RTN4: variants seen among roughly 807,000 people sequenced by gnomAD.
RTN4 encodes reticulon 4, also known as reticulon-4.
A neutral mutation model predicts 90.4 loss-of-function variants in RTN4; 32 were observed. That is an observed-to-expected ratio of 0.35 (90% CI 0.27 to 0.48). RTN4 has a LOEUF of 0.48. Among genes scored for constraint, RTN4 ranks in the 20% least tolerant of loss-of-function variants. RTN4 has a pLI of 0.99. For missense variants in RTN4, 1,706 were observed against 1,430.2 expected (o/e 1.19, Z -3.11); for synonymous variants, 629 against 552.5 (o/e 1.14, Z -1.94).
At chr2:55,089,983 C>G (rs532381326) in intron 1 of RTN4, among the ~76,000 whole-genome samples, 1 of 152,252 alleles carries the variant, frequency 6.6e-6, no homozygotes, top group South Asian at 2.1e-4. Context: ...AGAATAGGCA[C>G]GAGGAATTGT....
At chr2:55,096,882 G>C (rs985028687) in intron 1 of RTN4, among the ~76,000 whole-genome samples, 1 of 151,884 alleles carries the variant, frequency 6.6e-6, no homozygotes, top group Middle Eastern at 3.2e-3. Flanking sequence ...CTACACTCAA[G>C]GAATGAGGTG....
chr2:55,097,297 G>A (rs1667759673), intron 1 of RTN4, among the ~76,000 whole-genome samples: 2 of 104,736 alleles, frequency 1.9e-5, no homozygotes, highest in South Asian at 7.4e-4. Context: ...GTGAAATTCT[G>A]TCTCAAAAAA....
At chr2:55,098,316 C>A (rs923383415) in intron 1 of RTN4, among the ~76,000 whole-genome samples, 2 of 152,024 alleles carry the variant, frequency 1.3e-5, no homozygotes, top group Admixed American at 6.6e-5. Flanking sequence ...TTTCTTTGAT[C>A]AGAAAGAGTG....
intron 1 of RTN4, among the ~76,000 whole-genome samples, chr2:55,101,359 T>A (rs1394052079): frequency 6.6e-6 from 1 of 152,112 alleles, no homozygotes; most frequent in African/African-American, 2.4e-5. Flanking sequence ...AAATAATACA[T>A]TATCCATTGT....
At chr2:54,979,348 G>A (rs982588216) in intron 5 of RTN4, among the ~76,000 whole-genome samples, 1 of 152,098 alleles carries the variant, frequency 6.6e-6, no homozygotes, top group African/African-American at 2.4e-5. Flanking sequence ...GTGAGCTACT[G>A]TGCATGGCCA....
Position 55,092,599 on chromosome 2 carries a change from A to C in RTN4, c.-213-11960T>G, listed in dbSNP as rs549640070. Among the ~76,000 whole-genome samples, 77 of 152,298 alleles carry C rather than the reference A, an allele frequency of 5.1e-4. 1 individual carries two copies. The highest frequency in any genetic ancestry group is 1.8e-3 in the African/African-American group (73 of 41,568). The stretch of plus-strand genomic sequence containing the variant: ...CCTGGCAGAAAAAAGTGCTCAACAC[A>C]AACTTGTGGAATGAGTATACCTGAG... On this transcript the variant is annotated intron_variant, in intron 1 of 3. Transcript: ENST00000427710.
At chr2:55,040,937 C>G (rs1000123847) in intron 1 of RTN4, among the ~76,000 whole-genome samples, 3 of 151,192 alleles carry the variant, frequency 2.0e-5, no homozygotes, top group Non-Finnish European at 4.4e-5. Context: ...ATGAGAAAAA[C>G]AAGCTATTAA....
intron 1 of RTN4, among the ~76,000 whole-genome samples, chr2:55,048,244 C>T (rs1667880118): frequency 1.3e-5 from 2 of 152,184 alleles, no homozygotes; most frequent in African/African-American, 4.8e-5. Flanking sequence ...CTGCTGTGGA[C>T]GTGAGTAGTG....
intron 1 of RTN4, among the ~76,000 whole-genome samples, chr2:55,040,484 T>C (rs544191638): frequency 1.2e-4 from 19 of 152,252 alleles, no homozygotes; most frequent in African/African-American, 3.8e-4. Context: ...GTCAGGGCAC[T>C]GAGATAAATG....
chr2:55,069,905 A>T (rs143315639), intron 2 of RTN4, among the ~76,000 whole-genome samples: 71 of 152,336 alleles, frequency 4.7e-4, no homozygotes, highest in African/African-American at 1.5e-3. Context: ...AGAAGTAGGG[A>T]TGATGACAAC....
At chr2:55,053,669 A>T (rs1303966445), upstream of RTN4, among the ~76,000 whole-genome samples, 1 of 150,502 alleles carries the variant, frequency 6.6e-6, no homozygotes, top group Non-Finnish European at 1.5e-5. Flanking sequence ...CTGGGTGAAA[A>T]GAGCGAAACT....
chr2:55,044,057 G>A lies in RTN4; in HGVS notation c.556+5688C>T, dbSNP rs186670896. On this transcript the variant is annotated intron_variant, in intron 1 of 8. Transcript: ENST00000337526. ...CGAAAAACACAAAAATTAGCCGGGC[G>A]TGGTGGTACGTGCCTGTGGTCCCAG... Among the ~76,000 whole-genome samples, 102 of 151,980 alleles carry A rather than the reference G, an allele frequency of 6.7e-4. 1 individual carries two copies. The highest frequency in any genetic ancestry group is 1.9e-3 in the African/African-American group (79 of 41,454).
At chr2:55,055,372 C>G (rs921352772), upstream of RTN4, among the ~76,000 whole-genome samples, 1 of 151,944 alleles carries the variant, frequency 6.6e-6, no homozygotes, top group African/African-American at 2.4e-5. Context: ...ATTTTTAATA[C>G]TTAAAGGTTG....
chr2:54,986,597 T>A (rs1442556603), intron 4 of RTN4, among the ~76,000 whole-genome samples: 1 of 152,138 alleles, frequency 6.6e-6, no homozygotes, highest in Non-Finnish European at 1.5e-5. Context: ...TTTCTTTATA[T>A]GAGATGAAAA....
At chr2:55,107,828 C>A (rs972851511) in intron 1 of RTN4, among the ~76,000 whole-genome samples, 7 of 152,116 alleles carry the variant, frequency 4.6e-5, no homozygotes, top group African/African-American at 1.7e-4. Flanking sequence ...GTGAATAGTT[C>A]TGCATGACTC....
the RTN4 span, among the ~76,000 whole-genome samples, chr2:55,127,753 C>T: frequency 1.3e-5 from 2 of 152,190 alleles, no homozygotes; most frequent in East Asian, 3.9e-4. Context: ...TTCTATTGTA[C>T]CTCTGTGGAG....
At chr2:55,035,379 A>T (rs1682605024) in intron 1 of RTN4, among the ~76,000 whole-genome samples, 1 of 152,090 alleles carries the variant, frequency 6.6e-6, no homozygotes, top group Admixed American at 6.5e-5. Context: ...AAACTACAGA[A>T]TTCTAAATAA....
chr2:55,131,635 G>C, the RTN4 span, among the ~76,000 whole-genome samples: 1 of 152,202 alleles, frequency 6.6e-6, no homozygotes, highest in Non-Finnish European at 1.5e-5. Context: ...TGTAATCCCA[G>C]CACTTTGGGA....
intron 1 of RTN4, among the ~76,000 whole-genome samples, chr2:55,029,699 T>C (rs1242818885): frequency 1.3e-5 from 2 of 152,158 alleles, no homozygotes; most frequent in South Asian, 2.1e-4. Flanking sequence ...CATGAAGTCA[T>C]ACTTAAAGGA....
Sources: gnomAD v4.1 joint callset for allele counts (sites outside exome capture counted in the v4.1 genomes callset) on GRCh38, gnomAD v4.1.1 for gene constraint, MANE v1.5 for transcripts, NCBI Gene and HGNC (gene_info 2026-07-23, HGNC 2026-07-21) for gene names.